The following TOGARAM2 variants were observed in gnomAD, a reference collection of about 807,000 sequenced individuals.
TOGARAM2 encodes the protein TOG array regulator of axonemal microtubules 2.
In TOGARAM2, 85 loss-of-function variants were observed where a neutral mutation model predicts 93.3. The observed-to-expected ratio is 0.91, with a 90% CI of 0.76 to 1.09. The LOEUF is 1.09. Among genes scored for constraint, TOGARAM2 ranks in the 50% least tolerant of loss-of-function variants. The probability of loss-of-function intolerance (pLI) is 0.00; values close to 1 mark genes in which losing one functional copy is unlikely to be tolerated. For synonymous variants in TOGARAM2, 593 were observed against 552.8 expected (o/e 1.07, Z -1.02); for missense variants, 1,277 against 1,334.5 (o/e 0.96, Z 0.67).
At chr2:29,050,375 A>C (rs78089133) in intron 19 of TOGARAM2, 22,400 of 152,102 alleles carry the variant, frequency 0.15, 2,152 homozygotes, top group East Asian at 0.52. Flanking sequence ...AAATAAAACA[A>C]AAAATAAAGC....
intron 14 of TOGARAM2, among the ~76,000 whole-genome samples, chr2:29,029,295 ACACT>A (rs1405976836): frequency 4.1e-4 from 62 of 152,114 alleles, no homozygotes; most frequent in Admixed American, 2.6e-3. Context: ...ACACACACAC[ACACT>A]GGAATACTTA....
intron 6 of TOGARAM2, among the ~76,000 whole-genome samples, chr2:29,004,605 CATGT>C (rs1673511882): frequency 6.6e-6 from 1 of 151,836 alleles, no homozygotes; most frequent in East Asian, 1.9e-4. Context: ...TGTGTGCACA[CATGT>C]ATGAGTGCCT....
rs376384291 is a variant in TOGARAM2 at position 29,024,342 on chromosome 2, C to T, written c.1821C>T (p.Arg607=). Residue 607 remains arginine (R), a synonymous_variant, in exon 13 of 20, where the codon CGC becomes CGT. Coordinates refer to ENST00000379558, the MANE Select transcript of TOGARAM2 (RefSeq NM_199280.4). Reference sequence around the variant, plus strand: ...TGGTGGAGAATGTGACCCTTGCCCGCTCCCTGGTGGTCCTCACCTCGGCGG... The same window carrying T: ...TGGTGGAGAATGTGACCCTTGCCCGTTCCCTGGTGGTCCTCACCTCGGCGG... ...RAMVENVTLA[R]SLVVLTSAGV... 2 of 1,611,388 alleles carry T rather than the reference C, an allele frequency of 1.2e-6. No individual in the cohort carries two copies. Among genetic ancestry groups the T allele is most frequent in the Non-Finnish European group, 1.7e-6 (2 of 1,178,890 alleles).
chr2:29,035,221 C>A (rs1019189031), intron 16 of TOGARAM2, among the ~76,000 whole-genome samples: 2 of 152,012 alleles, frequency 1.3e-5, no homozygotes, highest in East Asian at 3.9e-4. Flanking sequence ...CTCTGACTTC[C>A]CCCATTGCTT....
chr2:28,999,362 C>T lies in TOGARAM2; in HGVS notation c.321C>T (p.Leu107=), dbSNP rs753149563. Residue 107 remains leucine (L), a synonymous_variant, in exon 4 of 20, where the codon CTC becomes CTT. Transcript: ENST00000379558. The part of the protein sequence containing the change: ...LSLGDQPLVL[L]PSPESEANSV... ...TGGGGGACCAGCCCCTGGTGCTCCT[C>T]CCTTCTCCGGAGTCAGAGGCCAACA... 8 of 1,613,468 alleles carry T rather than the reference C, an allele frequency of 5.0e-6. No individual in the cohort carries two copies. The Admixed American group carries it at 1.0e-4, about 20-fold the overall frequency.
chr2:29,012,235 G>T (rs1361781770), intron 7 of TOGARAM2, among the ~76,000 whole-genome samples: 1 of 152,196 alleles, frequency 6.6e-6, no homozygotes, highest in Non-Finnish European at 1.5e-5. Flanking sequence ...GTTGGAGGCA[G>T]CCGCTCTACT....
At chr2:29,036,837 C>T (rs1204689979) in intron 18 of TOGARAM2, 80 bp downstream of exon 18, 2 of 1,406,996 alleles carry the variant, frequency 1.4e-6, no homozygotes, top group Non-Finnish European at 9.8e-7. Context: ...GTGGATAAGG[C>T]CTTGGTTGGT....
At chr2:29,025,738 A>T (rs11689927) in intron 13 of TOGARAM2, among the ~76,000 whole-genome samples, 45,189 of 152,084 alleles carry the variant, frequency 0.3, 6,853 homozygotes, top group Middle Eastern at 0.36. Flanking sequence ...AGAGGCCCTT[A>T]GAAAGAGGTG....
intron 7 of TOGARAM2, among the ~76,000 whole-genome samples, chr2:29,012,529 G>T: frequency 6.6e-6 from 1 of 152,170 alleles, no homozygotes; most frequent in East Asian, 1.9e-4. Flanking sequence ...TGTGGGGGTT[G>T]GGCCAGGAGA....
Position 29,052,105 on chromosome 2 carries a change from A to C in TOGARAM2, c.*12A>C. The C allele has an allele frequency of 6.5e-7, 1 of 1,533,382 alleles. No homozygotes were observed. The highest frequency in any genetic ancestry group is 1.3e-5 in the South Asian group (1 of 78,488). 95.0% of individuals were successfully genotyped at this position (1,533,382 alleles called of 1,614,324 possible). On this transcript the variant is annotated 3_prime_UTR_variant, in exon 20 of 20. Transcript: ENST00000379558. ...TTCAGCTGGATTAAAGATGGATCTG[A>C]AATGGGCAATTATTATTTATCTTAT...
rs1361191415 is a variant in TOGARAM2, at chr2:29,011,339, TC to T, written c.831-112del. On this transcript the variant is annotated intron_variant, in intron 6 of 19. Coordinates refer to ENST00000379558, the MANE Select transcript of TOGARAM2 (RefSeq NM_199280.4). ...AGCCTCTGCAGGGATAACAGTGCCG[TC>T]CCCTCTGTCCCCCATCTCGGCCATT... 1.1e-5 allele frequency: 9 copies of T among 802,152 alleles called. No homozygotes were observed. In the Admixed American group the frequency reaches 2.5e-4, roughly 22 times the overall value. 49.7% of individuals were successfully genotyped at this position (802,152 alleles called of 1,614,324 possible).
intron 2 of TOGARAM2, among the ~76,000 whole-genome samples, 172 bp downstream of exon 2, chr2:28,995,034 C>T (rs1400067592): frequency 3.9e-5 from 6 of 152,270 alleles, no homozygotes; most frequent in African/African-American, 1.4e-4. Flanking sequence ...TGCTGCCGCT[C>T]AGCTGGCTGT....
At chr2:29,026,192 GT>G (rs1045299621) in intron 13 of TOGARAM2, among the ~76,000 whole-genome samples, 15 of 152,230 alleles carry the variant, frequency 9.9e-5, no homozygotes, top group Admixed American at 9.2e-4. Context: ...TGTTGCTCTT[GT>G]TTCTGCCTCA....
chr2:29,006,338 G>A (rs1572688801), intron 6 of TOGARAM2, among the ~76,000 whole-genome samples: 1 of 142,960 alleles, frequency 7.0e-6, no homozygotes, highest in Non-Finnish European at 1.5e-5. Context: ...GCATGTGTGT[G>A]TATGTGTGTA....
chr2:29,015,317 C>T (rs1664497326), intron 8 of TOGARAM2, among the ~76,000 whole-genome samples: 1 of 152,160 alleles, frequency 6.6e-6, no homozygotes, highest in Non-Finnish European at 1.5e-5. Flanking sequence ...CCTCCTGTGG[C>T]CACATCGTAG....
At chr2:29,007,922 C>T (rs901908943) in intron 6 of TOGARAM2, among the ~76,000 whole-genome samples, 1 of 151,970 alleles carries the variant, frequency 6.6e-6, no homozygotes, top group African/African-American at 2.4e-5. Context: ...ACCCCAACAG[C>T]CTCTCACCCC....
At chr2:29,017,105 T>C in intron 8 of TOGARAM2, 49 bp from the exon 9 acceptor site, 5 of 1,587,730 alleles carry the variant, frequency 3.1e-6, no homozygotes, top group Non-Finnish European at 4.3e-6. Context: ...TGAATGTTGA[T>C]GATTGAATGA....
chr2:29,051,720 G>A, intron 19 of TOGARAM2, 36 bp from the exon 20 acceptor site: 1 of 1,441,998 alleles, frequency 6.9e-7, no homozygotes, highest in Non-Finnish European at 9.2e-7. Flanking sequence ...GGGAGAGAGT[G>A]CCTGGCTCAA....
At chr2:28,983,941 C>T (rs74261423) in intron 1 of TOGARAM2, among the ~76,000 whole-genome samples, 1 of 152,094 alleles carries the variant, frequency 6.6e-6, no homozygotes, top group Non-Finnish European at 1.5e-5. Context: ...TCACCTCTTT[C>T]CTCCTCTGTT....
Sources: allele counts gnomAD v4.1 joint callset (sites outside exome capture counted in the v4.1 genomes callset), GRCh38; gene constraint gnomAD v4.1.1; transcripts MANE v1.5; gene names NCBI Gene and HGNC (gene_info 2026-07-23, HGNC 2026-07-21).